Variants in LEMD3 observed in about 807,000 individuals in gnomAD.
LEMD3 encodes LEM domain containing 3, also known as inner nuclear membrane protein Man1.
A neutral mutation model predicts 95.2 loss-of-function variants in LEMD3; 33 were observed. The observed-to-expected ratio is 0.35, with a 90% CI of 0.26 to 0.46. LEMD3 has a LOEUF of 0.46. Ranked by LOEUF, LEMD3 falls within the 20% of genes least tolerant of loss-of-function variation. The pLI is 1.00. For synonymous variants in LEMD3, 525 were observed against 474.6 expected, an observed-to-expected ratio of 1.11 and a Z score of -1.38; for missense variants, 1,210 against 1,192.8, an observed-to-expected ratio of 1.01 and a Z score of -0.21.
At chr12:65,242,167 C>T (rs1057228660) in intron 9 of LEMD3, among the ~76,000 whole-genome samples, 3 of 152,156 alleles carry the variant, frequency 2.0e-5, no homozygotes, top group Non-Finnish European at 4.4e-5. Context: ...TTTGACAGTT[C>T]AGCCCTCCTT....
intron 4 of LEMD3, among the ~76,000 whole-genome samples, chr12:65,220,578 T>C (rs1420279786): frequency 2.0e-5 from 3 of 152,200 alleles, no homozygotes; most frequent in African/African-American, 7.2e-5. Context: ...TTTGATGTAG[T>C]CCCACTTTTC....
At chr12:65,193,913 C>T (rs1296624569) in intron 1 of LEMD3, among the ~76,000 whole-genome samples, 1 of 151,962 alleles carries the variant, frequency 6.6e-6, no homozygotes, top group Non-Finnish European at 1.5e-5. Flanking sequence ...TCTTAAACAT[C>T]TAGTAAAGAT....
intron 4 of LEMD3, among the ~76,000 whole-genome samples, chr12:65,234,153 T>C (rs1870708391): frequency 1.3e-5 from 2 of 152,224 alleles, no homozygotes; most frequent in African/African-American, 2.4e-5. Context: ...AGCCATGGCT[T>C]ATGGGCCAGA....
At chr12:65,200,153 T>C (rs1362507599) in intron 1 of LEMD3, among the ~76,000 whole-genome samples, 1 of 151,996 alleles carries the variant, frequency 6.6e-6, no homozygotes, top group Non-Finnish European at 1.5e-5. Flanking sequence ...CTAGTCTTCA[T>C]TTGCATAAAG....
In LEMD3 at chr12:65,240,211, G is replaced by T. The variant is rs367618543; in HGVS notation, c.2099G>T (p.Arg700Leu). Residue 700 changes from arginine (R) to leucine (L), a missense_variant, in exon 8 of 13, where the codon CGC (arginine) becomes CTC (leucine). Arg to Leu is a moderately radical substitution (Grantham distance 102, BLOSUM62 -2). This residue lies in a region of LEMD3 where 461 missense variants were observed against 569.8 expected (regional missense o/e 0.81). Coordinates refer to ENST00000308330, the MANE Select transcript of LEMD3 (RefSeq NM_014319.5). The part of the protein sequence containing the change: ...LQPYMPIPHV[R>L]DSLIQPHDRK... ...CCTTACATGCCTATTCCACATGTAC[G>T]CGATTCCTTAATACAGCCTCATGAC... The T allele has an allele frequency of 2.2e-5, 36 of 1,613,276 alleles. No homozygotes were observed. The highest frequency in any genetic ancestry group is 2.9e-5 in the Non-Finnish European group (34 of 1,179,460).
intron 1 of LEMD3, among the ~76,000 whole-genome samples, chr12:65,190,450 G>A (rs1485870025): frequency 6.6e-6 from 1 of 152,018 alleles, no homozygotes; most frequent in African/African-American, 2.4e-5. Context: ...CTTGCTACTT[G>A]GAGGCTTCAT....
At chr12:65,218,681 C>T (rs1870185093) in intron 4 of LEMD3, 62 bp downstream of exon 4, 2 of 909,536 alleles carry the variant, frequency 2.2e-6, no homozygotes, top group African/African-American at 1.7e-5. Flanking sequence ...ATCATTGCTA[C>T]TTGTAAGAAT....
intron 1 of LEMD3, among the ~76,000 whole-genome samples, chr12:65,174,660 A>G (rs981810155): frequency 7.9e-5 from 12 of 151,566 alleles, no homozygotes; most frequent in African/African-American, 2.9e-4. Context: ...GTGTGTGTGT[A>G]TGTGTGTGTG....
chr12:65,197,678 A>G (rs1869474105), intron 1 of LEMD3, among the ~76,000 whole-genome samples: 1 of 152,102 alleles, frequency 6.6e-6, no homozygotes, highest in Admixed American at 6.6e-5. Context: ...TTTTAAGCAC[A>G]TTTCTCATAA....
At chr12:65,217,679 A>G (rs1391714958) in intron 3 of LEMD3, among the ~76,000 whole-genome samples, 1 of 152,228 alleles carries the variant, frequency 6.6e-6, no homozygotes, top group Non-Finnish European at 1.5e-5. Context: ...AAAAGCCCTG[A>G]ATTCGCTTCT....
At position 65,229,774 on chromosome 12, in the gene LEMD3, C is replaced by T. The variant is rs537711894; in HGVS notation, c.1696-8728C>T. On this transcript the variant is annotated intron_variant, in intron 4 of 12. Coordinates refer to ENST00000308330, the MANE Select transcript of LEMD3 (RefSeq NM_014319.5). ...GTCAGATGAATAGTTTGCAAATGTC[C>T]CCCATTCTACTAGTCATCTCTTCAC... is the stretch of plus-strand genomic sequence containing the variant. Among the ~76,000 whole-genome samples, 9 of 152,204 alleles carry T rather than the reference C, an allele frequency of 5.9e-5. 1 individual carries two copies. Among genetic ancestry groups the T allele is most frequent in the African/African-American group, 2.2e-4 (9 of 41,532 alleles).
intron 9 of LEMD3, 44 bp from the exon 10 acceptor site, chr12:65,243,344 A>C: frequency 8.5e-7 from 1 of 1,183,252 alleles, no homozygotes; most frequent in Non-Finnish European, 1.3e-6. Context: ...CCTTTCAACA[A>C]ACTAGAACAA....
chr12:65,211,020 A>C, intron 2 of LEMD3, 57 bp downstream of exon 2: 1 of 1,265,932 alleles, frequency 7.9e-7, no homozygotes, highest in Non-Finnish European at 1.2e-6. Flanking sequence ...TGATAAAAGC[A>C]TGAGAATGAC....
rs533306502 is a variant in LEMD3, at chr12:65,181,544, A to C, written c.1522+10426A>C. Among the ~76,000 whole-genome samples the C allele has an allele frequency of 6.6e-5, 10 of 152,254 alleles. No homozygotes were observed. The South Asian group carries it at 1.9e-3, about 28-fold the overall frequency. On this transcript the variant is annotated intron_variant, in intron 1 of 12. Transcript: ENST00000308330. The stretch of plus-strand genomic sequence containing the variant: ...TCAGATTTATATATTGTGACTTGGG[A>C]AACATACTTTAAAAATTAGTTTCTG...
chr12:65,240,934 A>G lies in LEMD3; in HGVS notation c.2152A>G (p.Arg718Gly). The G allele has an allele frequency of 6.2e-7, 1 of 1,613,796 alleles. No individual in the cohort carries two copies. The highest frequency in any genetic ancestry group is 8.5e-7 in the Non-Finnish European group (1 of 1,179,686). ...DRKKMKKVWDRAVDFLAANES... is the reference protein window; with the variant it reads ...DRKKMKKVWDGAVDFLAANES... ...GAAAAAAATGAAGAAAGTCTGGGAT[A>G]GAGCTGTTGACTTCCTTGCTGCTAA... Residue 718 changes from arginine (R) to glycine (G), a missense_variant, in exon 9 of 13, where the codon AGA (arginine) becomes GGA (glycine). Physicochemically the swap from Arg to Gly is moderately radical, Grantham distance 125. Transcript: ENST00000308330.
Position 65,240,034 on chromosome 12 carries a change from T to A in LEMD3, c.2023+4T>A, listed in dbSNP as rs1317186703. 1 of 1,586,342 alleles carries A rather than the reference T, an allele frequency of 6.3e-7. No homozygotes were observed. Among genetic ancestry groups the A allele is most frequent in the Admixed American group, 1.7e-5 (1 of 59,972 alleles). ...GATATGGTGGTAAAGATTATAGGTA[T>A]GATATTTGTAAGAATCTCAACTATT... is the stretch of plus-strand genomic sequence containing the variant. On this transcript the variant is annotated splice_donor_region_variant and intron_variant, in intron 7 of 12. Transcript: ENST00000308330.
At chr12:65,213,521 G>A (rs1274317923) in intron 2 of LEMD3, among the ~76,000 whole-genome samples, 1 of 152,004 alleles carries the variant, frequency 6.6e-6, no homozygotes, top group Non-Finnish European at 1.5e-5. Context: ...CACCGCACCC[G>A]GCCTTAAATA....
chr12:65,192,256 T>C (rs1869267397), intron 1 of LEMD3, among the ~76,000 whole-genome samples: 1 of 152,218 alleles, frequency 6.6e-6, no homozygotes, highest in Non-Finnish European at 1.5e-5. Context: ...TTAAAGTAAC[T>C]TTTAAATATA....
chr12:65,181,142 G>A (rs191586250), intron 1 of LEMD3, among the ~76,000 whole-genome samples: 1 of 152,150 alleles, frequency 6.6e-6, no homozygotes, highest in East Asian at 1.9e-4. Context: ...GGAGGTGAGG[G>A]GAATCTTGGG....
Sources: gnomAD v4.1 joint callset for allele counts (sites outside exome capture counted in the v4.1 genomes callset) on GRCh38, gnomAD v4.1.1 for gene constraint, gnomAD v4.1.1 regional missense constraint, MANE v1.5 for transcripts, NCBI Gene and HGNC (gene_info 2026-07-23, HGNC 2026-07-21) for gene names.